DOCK1: variants seen among roughly 807,000 people sequenced by gnomAD.
DOCK1 encodes the protein dedicator of cytokinesis 1, also known as dedicator of cytokinesis protein 1.
DOCK1 carries 138 observed loss-of-function variants against 262.7 expected under a neutral mutation model. The observed-to-expected ratio is 0.53, with a 90% CI of 0.46 to 0.61. DOCK1 has a LOEUF of 0.61. Among genes scored for constraint, DOCK1 ranks in the 20% least tolerant of loss-of-function variants. DOCK1 has a pLI of 0.00. For missense variants in DOCK1, 1,908 were observed against 2,370.7 expected (o/e 0.80, Z 4.05); for synonymous variants, 866 against 867.4 (o/e 1.00, Z 0.03).
At chr10:127,112,348 C>T (rs35172086) in intron 25 of DOCK1, among the ~76,000 whole-genome samples, 23,887 of 152,116 alleles carry the variant, frequency 0.16, 2,225 homozygotes, top group African/African-American at 0.26. Flanking sequence ...TTGCTCATTT[C>T]TTTAGGTCGT....
chr10:127,152,864 T>C (rs2052641356), intron 27 of DOCK1, among the ~76,000 whole-genome samples: 1 of 152,142 alleles, frequency 6.6e-6, no homozygotes, highest in Non-Finnish European at 1.5e-5. Flanking sequence ...TGCTTTTGCT[T>C]TTAAGGAACC....
rs550027444 is a variant in DOCK1 at position 127,332,932 on chromosome 10, T to C, written c.3045-6074T>C. Among the ~76,000 whole-genome samples, 9 of 152,296 alleles carry C rather than the reference T, an allele frequency of 5.9e-5. No individual in the cohort carries two copies. The East Asian group carries it at 1.7e-3, about 29-fold the overall frequency. On this transcript the variant is annotated intron_variant, in intron 29 of 51. Transcript: ENST00000623213. ...TCTGCATCTCTATTATCACTTCACC[T>C]CAACTTGCCTCTTCCCAGCATCCCT...
At chr10:127,069,101 G>A (rs1462136027) in intron 23 of DOCK1, among the ~76,000 whole-genome samples, 2 of 152,174 alleles carry the variant, frequency 1.3e-5, no homozygotes, top group African/African-American at 2.4e-5. Context: ...AGGCGATTAG[G>A]GCTTGATTCC....
chr10:126,923,390 G>A (rs1334677210), intron 1 of DOCK1, among the ~76,000 whole-genome samples: 2 of 152,114 alleles, frequency 1.3e-5, no homozygotes, highest in Non-Finnish European at 2.9e-5. Context: ...TTGGGAGGCC[G>A]AGGTGGATGG....
Position 127,403,105 on chromosome 10 carries a change from G to A in DOCK1, c.3978G>A (p.Glu1326=). 1 of 1,612,784 alleles carries A rather than the reference G, an allele frequency of 6.2e-7. No homozygotes were observed. Among genetic ancestry groups the A allele is most frequent in the African/African-American group, 1.3e-5 (1 of 75,066 alleles). ...GCAAGGAGCTAGCCGAGCAGTATGAGAACGAAATGTTTGATTATGAGCAAC... is the reference window on the plus strand; with the variant it reads ...GCAAGGAGCTAGCCGAGCAGTATGAAAACGAAATGTTTGATTATGAGCAAC... ...ALGKELAEQY[E]NEMFDYEQLS... Residue 1326 remains glutamate (E), a synonymous_variant, in exon 39 of 52, where the codon GAG becomes GAA. Coordinates refer to ENST00000623213, the MANE Select transcript of DOCK1 (RefSeq NM_001290223.2).
intron 23 of DOCK1, among the ~76,000 whole-genome samples, chr10:127,074,271 T>C (rs999307099): frequency 1.3e-5 from 2 of 152,152 alleles, no homozygotes; most frequent in Admixed American, 1.3e-4. Context: ...AATTAGGAGG[T>C]TAGAAAGTCA....
intron 29 of DOCK1, among the ~76,000 whole-genome samples, chr10:127,282,048 G>T (rs2060979911): frequency 6.6e-6 from 1 of 152,184 alleles, no homozygotes; most frequent in Non-Finnish European, 1.5e-5. Context: ...TAAATCTCAT[G>T]TTTTAAGAGT....
In DOCK1 at chr10:127,089,086, C is replaced by T. The variant is rs890275373; in HGVS notation, c.2446-17145C>T. 5.3e-5 allele frequency among the ~76,000 whole-genome samples: 8 copies of T among 152,188 alleles called. No individual in the cohort carries two copies. In the South Asian group the frequency reaches 1.2e-3, roughly 24 times the overall value. The stretch of plus-strand genomic sequence containing the variant: ...CCTCCAGACTCCTGAGGAAGCTAGG[C>T]GGCTCCCCTGTGTCACCTCGGCTCT... On this transcript the variant is annotated intron_variant, in intron 23 of 51. Transcript: ENST00000623213.
chr10:126,998,826 T>G (rs1358662270), intron 8 of DOCK1: 1 of 157,530 alleles, frequency 6.3e-6, no homozygotes. Context: ...TTCAACTATG[T>G]ATGAATTATG....
At chr10:127,093,174 T>A (rs2047646952) in intron 23 of DOCK1, among the ~76,000 whole-genome samples, 1 of 149,078 alleles carries the variant, frequency 6.7e-6, no homozygotes, top group African/African-American at 2.6e-5. Flanking sequence ...TGTGTGCAGC[T>A]TTGCATCTGA....
rs1033349434 is a variant in DOCK1 at position 127,399,863 on chromosome 10, G to A, written c.3928-3192G>A. Among the ~76,000 whole-genome samples the A allele has an allele frequency of 5.8e-4, 89 of 152,198 alleles. 6 individuals are homozygous for A. ...GCTTTAAAAAAACGTTAAAAGTAGG[G>A]AAGTTCTCCCTTCCTAGAAAATGTG... is the stretch of plus-strand genomic sequence containing the variant. On this transcript the variant is annotated intron_variant, in intron 38 of 51. Transcript: ENST00000623213.
intron 1 of DOCK1, among the ~76,000 whole-genome samples, chr10:126,942,064 G>A (rs966473809): frequency 2.4e-4 from 36 of 151,580 alleles, no homozygotes; most frequent in East Asian, 7.9e-4. Context: ...TCGCTCTGTC[G>A]CCCAGGCTGG....
intron 1 of DOCK1, among the ~76,000 whole-genome samples, chr10:126,928,953 C>T (rs905217656): frequency 1.3e-4 from 20 of 152,232 alleles, no homozygotes; most frequent in Non-Finnish European, 2.6e-4. Flanking sequence ...AGGTCACTTT[C>T]AGAGGCTTGG....
At chr10:127,422,048 C>T (rs1193585926) in intron 46 of DOCK1, among the ~76,000 whole-genome samples, 1 of 151,544 alleles carries the variant, frequency 6.6e-6, no homozygotes, top group African/African-American at 2.4e-5. Flanking sequence ...TTCTTTTTCA[C>T]GAAACTGCCA....
chr10:127,157,291 T>G (rs903534305), intron 27 of DOCK1, among the ~76,000 whole-genome samples: 9 of 152,120 alleles, frequency 5.9e-5, no homozygotes, highest in African/African-American at 2.2e-4. Context: ...CATCCTGCAG[T>G]GGGAATGATG....
intron 29 of DOCK1, among the ~76,000 whole-genome samples, chr10:127,315,996 G>A (rs567447979): frequency 1.3e-5 from 2 of 152,020 alleles, no homozygotes; most frequent in South Asian, 4.1e-4. Context: ...ACTGCACCCC[G>A]CTGGGGACAG....
intron 33 of DOCK1, among the ~76,000 whole-genome samples, chr10:127,364,170 A>G (rs916825145): frequency 2.0e-5 from 3 of 152,026 alleles, no homozygotes; most frequent in African/African-American, 7.2e-5. Flanking sequence ...AAACCTGGGC[A>G]TGGCCATTTC....
In DOCK1 at chr10:127,101,666, G is replaced by A. The variant is rs113870270; in HGVS notation, c.2446-4565G>A. ...CCCTCGCCCCGCTTGGCGGTCTGTC[G>A]GTCCCGATTCACACAGTGTCCGGCA... On this transcript the variant is annotated intron_variant, in intron 23 of 51. Transcript: ENST00000623213. Among the ~76,000 whole-genome samples, 396 of 152,336 alleles carry A rather than the reference G, an allele frequency of 2.6e-3. 2 individuals carry two copies. The highest frequency in any genetic ancestry group is 8.6e-3 in the African/African-American group (357 of 41,588).
intron 29 of DOCK1, among the ~76,000 whole-genome samples, chr10:127,316,889 C>T (rs2062306425): frequency 6.6e-6 from 1 of 152,108 alleles, no homozygotes; most frequent in Non-Finnish European, 1.5e-5. Context: ...CCTCCAAGAA[C>T]AAACACCCCC....
Sources: allele counts gnomAD v4.1 joint callset (sites outside exome capture counted in the v4.1 genomes callset), GRCh38; gene constraint gnomAD v4.1.1; transcripts MANE v1.5; gene names NCBI Gene and HGNC (gene_info 2026-07-23, HGNC 2026-07-21).